The following DCTN4 variants were observed in gnomAD, a reference collection of about 807,000 sequenced individuals.
The protein encoded by DCTN4 is dynactin subunit 4.
DCTN4 carries 23 observed loss-of-function variants against 62.7 expected under a neutral mutation model. The observed-to-expected ratio is 0.37, with a 90% CI of 0.26 to 0.52. The LOEUF (loss-of-function observed/expected upper bound fraction) is 0.52, where lower values mean the gene tolerates loss of function less well. Among genes scored for constraint, DCTN4 ranks in the 20% least tolerant of loss-of-function variants. The pLI, the probability that DCTN4 is intolerant of heterozygous loss-of-function variation, is 0.92. For synonymous variants in DCTN4, 199 were observed against 202.1 expected, an observed-to-expected ratio of 0.98 and a Z score of 0.13; for missense variants, 514 against 580.4, an observed-to-expected ratio of 0.89 and a Z score of 1.18.
intron 5 of DCTN4, among the ~76,000 whole-genome samples, 162 bp downstream of exon 5, chr5:150,733,206 T>C (rs1760449288): frequency 6.6e-6 from 1 of 152,198 alleles, no homozygotes; most frequent in Admixed American, 6.5e-5. Flanking sequence ...GAACTAATGA[T>C]ATAGCAAAAG....
intron 3 of DCTN4, among the ~76,000 whole-genome samples, chr5:150,749,767 A>G (rs1752607370): frequency 6.6e-6 from 1 of 152,246 alleles, no homozygotes; most frequent in Admixed American, 6.5e-5. Context: ...ATGAAAACAT[A>G]TATTCACACA....
intron 3 of DCTN4, 82 bp downstream of exon 3, chr5:150,753,397 C>A (rs116833926): frequency 3.1e-6 from 4 of 1,301,536 alleles, no homozygotes; most frequent in South Asian, 1.4e-5. Flanking sequence ...ATCGCCCCAA[C>A]GGGTTACAGA....
chr5:150,718,207 T>C (rs1466986827), intron 11 of DCTN4, 69 bp downstream of exon 11: 15 of 1,065,008 alleles, frequency 1.4e-5, no homozygotes, highest in East Asian at 9.8e-5. Flanking sequence ...TGGAGTCTTT[T>C]AAGCCAGGTC....
rs1255766424 is a variant in DCTN4 at position 150,718,245 on chromosome 5, GGTCA to G, written c.1071+27_1071+30del. The G allele has an allele frequency of 6.0e-6, 9 of 1,489,518 alleles. No individual in the cohort carries two copies. In the African/African-American group the frequency reaches 7.1e-5, roughly 12 times the overall value. 92.3% of individuals were successfully genotyped at this position (1,489,518 alleles called of 1,614,324 possible). A position where few individuals can be genotyped will look rare whatever the true frequency, so the allele number is the denominator to read the frequency against. ...ATGAGGACACTCCAGGGAAAGTGCG[GGTCA>G]GTCAGGCTGAGGCAAAATGCTCCTA... On this transcript the variant is annotated intron_variant, in intron 11 of 12. Coordinates refer to ENST00000447998, the MANE Select transcript of DCTN4 (RefSeq NM_016221.4).
rs1455168305 is a variant in DCTN4 at position 150,711,102 on chromosome 5, G to C, written c.*47C>G. ...CAGCAGCTTCCACATTTTAACGCAG[G>C]TTTACGGTGATACTGTCCTTTGGGA... On this transcript the variant is annotated 3_prime_UTR_variant, in exon 13 of 13. Transcript: ENST00000447998. 2 of 1,566,456 alleles carry C rather than the reference G, an allele frequency of 1.3e-6. No homozygotes were observed. Among genetic ancestry groups the C allele is most frequent in the Non-Finnish European group, 1.8e-6 (2 of 1,139,354 alleles).
chr5:150,731,150 T>C lies in DCTN4; in HGVS notation c.618A>G (p.Lys206=), dbSNP rs548801868. The C allele has an allele frequency of 1.9e-6, 3 of 1,604,064 alleles. No individual in the cohort carries two copies. Among genetic ancestry groups the C allele is most frequent in the Middle Eastern group, 1.7e-4 (1 of 6,044 alleles). ...TTATCTCTTTCTGATCCTCTCCTTC[T>C]TTAAGGCTGAAAAATTAAAAAAACA... ...SISTLAGLSL[K]EGEDQKEIKI... The change falls in exon 7 of 13, where the codon AAA becomes AAG. Residue 206 remains lysine (K), a synonymous_variant. Coordinates refer to ENST00000447998, the MANE Select transcript of DCTN4 (RefSeq NM_016221.4).
At chr5:150,715,907 ATTAT>A (rs1021983442) in intron 11 of DCTN4, among the ~76,000 whole-genome samples, 25 of 152,052 alleles carry the variant, frequency 1.6e-4, no homozygotes, top group African/African-American at 6.0e-4. Context: ...GTTTTATTTT[ATTAT>A]TTATTTTTTT....
chr5:150,744,511 A>G (rs1760888230), intron 3 of DCTN4, among the ~76,000 whole-genome samples: 2 of 152,216 alleles, frequency 1.3e-5, no homozygotes. Context: ...AGTTGAAATG[A>G]AAGAAAAAAC....
rs1759561804 is a variant in DCTN4 at position 150,711,452 on chromosome 5, T to G, written c.1170-90A>C. ...CAGTAAAAGTCTTTCACCTTATTCTTTCCTTCAGCACACACAGAAAACCTA... is the reference window on the plus strand; with the variant it reads ...CAGTAAAAGTCTTTCACCTTATTCTGTCCTTCAGCACACACAGAAAACCTA... On this transcript the variant is annotated intron_variant, in intron 12 of 12. Transcript: ENST00000447998. 6.9e-6 allele frequency: 7 copies of G among 1,007,774 alleles called. No homozygotes were observed. The South Asian group carries it at 1.0e-4, about 14-fold the overall frequency. 62.4% of individuals were successfully genotyped at this position (1,007,774 alleles called of 1,614,324 possible).
chr5:150,710,928 G>C lies in DCTN4; in HGVS notation c.*221C>G, dbSNP rs1406713058. 1.8e-6 allele frequency: 1 copy of C among 562,450 alleles called. No homozygotes were observed. The highest frequency in any genetic ancestry group is 3.2e-6 in the Non-Finnish European group (1 of 313,342). The allele number at this position is 562,450 out of a possible 1,614,324, so 34.8% of individuals were successfully genotyped here. On this transcript the variant is annotated 3_prime_UTR_variant, in exon 13 of 13. Transcript: ENST00000447998. ...ACTCAACGTGCAGGGTTCAGTGAGGGAGACACAGACTTACTGGTGTCAACA... is the reference window on the plus strand; with the variant it reads ...ACTCAACGTGCAGGGTTCAGTGAGGCAGACACAGACTTACTGGTGTCAACA...
In DCTN4 at chr5:150,753,650, T is replaced by G. The variant is rs1397692158; in HGVS notation, c.214A>C (p.Asn72His). Residue 72 changes from asparagine (N) to histidine (H), a missense_variant, in exon 3 of 13, where the codon AAT becomes CAT. Coordinates refer to ENST00000447998, the MANE Select transcript of DCTN4 (RefSeq NM_016221.4). ...EAKLKKNRCANCFDCPGCMHT... is the reference protein window; with the variant it reads ...EAKLKKNRCAHCFDCPGCMHT... ...ATGCAGCCAGGACAGTCAAAACAAT[T>G]GGCACATCTGTGACATGACAAACAC... 14 of 1,611,182 alleles carry G rather than the reference T, an allele frequency of 8.7e-6. No homozygotes were observed. The highest frequency in any genetic ancestry group is 1.2e-5 in the Non-Finnish European group (14 of 1,178,212).
intron 11 of DCTN4, among the ~76,000 whole-genome samples, chr5:150,717,905 C>T (rs1053127060): frequency 6.6e-6 from 1 of 152,174 alleles, no homozygotes; most frequent in Non-Finnish European, 1.5e-5. Context: ...CATTAAGCAG[C>T]TCTTATGCTA....
At chr5:150,728,447 T>C (rs907611911) in intron 8 of DCTN4, among the ~76,000 whole-genome samples, 1 of 152,236 alleles carries the variant, frequency 6.6e-6, no homozygotes, top group African/African-American at 2.4e-5. Flanking sequence ...CCAAATGTTC[T>C]ATATTCTTAC....
At position 150,728,208 on chromosome 5, in the gene DCTN4, T is replaced by C. The variant is rs761842308; in HGVS notation, c.834+2423A>G. ...TTGAGCATCTTAGCCTATTTATTAT[T>C]ATAAAGTATAAATGTGACTTAAATC... On this transcript the variant is annotated intron_variant, in intron 8 of 12. Coordinates refer to ENST00000447998, the MANE Select transcript of DCTN4 (RefSeq NM_016221.4). 3.5e-4 allele frequency among the ~76,000 whole-genome samples: 54 copies of C among 152,216 alleles called. 1 individual carries two copies. The highest frequency in any genetic ancestry group is 3.3e-3 in the Admixed American group (50 of 15,286).
rs1760324253 is a variant in DCTN4, at chr5:150,730,634, G to A, written c.831C>T (p.Cys277=). 2 of 1,613,238 alleles carry A rather than the reference G, an allele frequency of 1.2e-6. No individual in the cohort carries two copies. Among genetic ancestry groups the A allele is most frequent in the African/African-American group, 1.3e-5 (1 of 75,018 alleles). Residue 277 remains cysteine (C), a synonymous_variant, in exon 8 of 13, where the codon TGC becomes TGT. Transcript: ENST00000447998. ...KHLLIKRSLR[C]RKCEHNLSKP... is the part of the protein sequence containing the mutation. ...GTCTACAGAATGGAATACTTACACGGCAGCGCAGGGACCGTTTGATCAGAA... is the reference window on the plus strand; with the variant it reads ...GTCTACAGAATGGAATACTTACACGACAGCGCAGGGACCGTTTGATCAGAA...
intron 5 of DCTN4, among the ~76,000 whole-genome samples, chr5:150,732,694 A>C (rs903009988): frequency 6.6e-6 from 1 of 152,208 alleles, no homozygotes; most frequent in Non-Finnish European, 1.5e-5. Flanking sequence ...TTGAATGTCA[A>C]TTTGCTGGGC....
At chr5:150,735,343 C>A (rs1431164394) in intron 4 of DCTN4, among the ~76,000 whole-genome samples, 1 of 152,214 alleles carries the variant, frequency 6.6e-6, no homozygotes, top group Non-Finnish European at 1.5e-5. Flanking sequence ...CAATTCACTG[C>A]TAGCACAACC....
At chr5:150,714,683 C>G (rs962602206) in intron 12 of DCTN4, among the ~76,000 whole-genome samples, 2 of 152,070 alleles carry the variant, frequency 1.3e-5, no homozygotes, top group African/African-American at 4.8e-5. Context: ...CCCAGCAATG[C>G]TTCTTTACCC....
In DCTN4 at chr5:150,711,140, T is replaced by A. The variant is rs1759545485; in HGVS notation, c.*9A>T. 1.9e-6 allele frequency: 3 copies of A among 1,611,866 alleles called. No homozygotes were observed. In the South Asian group the frequency reaches 3.3e-5, roughly 18 times the overall value. ...CTGTCCTTTGGGATCTGCCCTCCAG[T>A]GGAACCTTTTAAGGAAGAAGTGGGC... On this transcript the variant is annotated 3_prime_UTR_variant, in exon 13 of 13. Transcript: ENST00000447998.
Sources: gnomAD v4.1 joint callset for allele counts (sites outside exome capture counted in the v4.1 genomes callset) on GRCh38, gnomAD v4.1.1 for gene constraint, MANE v1.5 for transcripts, NCBI Gene and HGNC (gene_info 2026-07-23, HGNC 2026-07-21) for gene names.